The following DPP6 variants were observed in gnomAD, a reference collection of about 807,000 sequenced individuals.
DPP6 encodes A-type potassium channel modulatory protein DPP6.
In DPP6, 69 loss-of-function variants were observed where a neutral mutation model predicts 122.6. The ratio of observed to expected loss-of-function variants is 0.56; its 90% CI spans 0.46 to 0.69. The LOEUF is 0.69. DPP6 is among the 30% of genes least tolerant of loss of function. The probability of loss-of-function intolerance (pLI) is 0.00; values close to 1 mark genes in which losing one functional copy is unlikely to be tolerated. For missense variants in DPP6, 928 were observed against 1,116.9 expected (o/e 0.83, Z 2.41); for synonymous variants, 418 against 433.1 (o/e 0.97, Z 0.43).
chr7:154,776,185 G>GC (rs774491186), intron 10 of DPP6, among the ~76,000 whole-genome samples: 1 of 130,142 alleles, frequency 7.7e-6, no homozygotes, highest in Non-Finnish European at 1.7e-5. Flanking sequence ...GGCCTCAGAA[G>GC]CCCCCATGAT....
At chr7:154,166,512 A>G (rs1336854487) in intron 1 of DPP6, among the ~76,000 whole-genome samples, 1 of 151,940 alleles carries the variant, frequency 6.6e-6, no homozygotes, top group Non-Finnish European at 1.5e-5. Context: ...TACAGAAACA[A>G]TCCTCCCCCG....
intron 3 of DPP6, among the ~76,000 whole-genome samples, chr7:154,528,380 T>TG (rs1827579362): frequency 6.6e-6 from 1 of 152,062 alleles, no homozygotes; most frequent in South Asian, 2.1e-4. Context: ...GCACAAAAGG[T>TG]ATAATTTGAC....
At chr7:154,065,671 A>C (rs541264087) in intron 1 of DPP6, among the ~76,000 whole-genome samples, 1 of 152,142 alleles carries the variant, frequency 6.6e-6, no homozygotes, top group Admixed American at 6.5e-5. Flanking sequence ...AATTAGGACC[A>C]GGCCAATGGT....
chr7:154,166,172 A>G (rs1797236613), intron 1 of DPP6, among the ~76,000 whole-genome samples: 2 of 152,148 alleles, frequency 1.3e-5, no homozygotes, highest in South Asian at 4.2e-4. Context: ...ACTTTCTTTC[A>G]TTCTCTATTT....
intron 6 of DPP6, among the ~76,000 whole-genome samples, chr7:154,647,644 G>A (rs953662205): frequency 3.9e-5 from 6 of 152,174 alleles, no homozygotes; most frequent in Non-Finnish European, 8.8e-5. Flanking sequence ...CACCTTAACC[G>A]CGCATGTTTG....
At chr7:154,889,410 G>A in intron 24 of DPP6, 47 bp from the exon 25 acceptor site, 1 of 1,597,790 alleles carries the variant, frequency 6.3e-7, no homozygotes, top group Non-Finnish European at 8.5e-7. Context: ...GGCACCATGG[G>A]TTTTAACAAA....
the DPP6 span, among the ~76,000 whole-genome samples, chr7:153,848,374 A>C: frequency 6.6e-6 from 1 of 151,184 alleles, no homozygotes; most frequent in East Asian, 2.0e-4. Context: ...CAATTCCCTT[A>C]CACTTCCTTG....
chr7:153,823,748 C>A, the DPP6 span, among the ~76,000 whole-genome samples: 1 of 152,054 alleles, frequency 6.6e-6, no homozygotes, highest in South Asian at 2.1e-4. Flanking sequence ...GTCGTTGAAT[C>A]TGCATGCTGA....
chr7:153,891,834 T>C (rs1374565590), intron 1 of DPP6, among the ~76,000 whole-genome samples: 1 of 152,162 alleles, frequency 6.6e-6, no homozygotes, highest in Non-Finnish European at 1.5e-5. Flanking sequence ...GGTGGGTAAG[T>C]GAGGGCTGTG....
intron 1 of DPP6, among the ~76,000 whole-genome samples, chr7:154,321,128 C>T (rs1474059369): frequency 6.6e-6 from 1 of 151,938 alleles, no homozygotes; most frequent in African/African-American, 2.4e-5. Context: ...CAAAAAAATA[C>T]CAAAATTAGC....
intron 1 of DPP6, among the ~76,000 whole-genome samples, chr7:154,146,495 A>C (rs73729281): frequency 0.092 from 13,831 of 151,122 alleles, 427 homozygotes; most frequent in African/African-American, 0.3. Flanking sequence ...CCGGCAACCA[A>C]CCCTCGCTGA....
At chr7:153,836,409 A>G in the DPP6 span, among the ~76,000 whole-genome samples, 1 of 152,222 alleles carries the variant, frequency 6.6e-6, no homozygotes, top group African/African-American at 2.4e-5. Flanking sequence ...TTTAGACTTT[A>G]GTATCTAATA....
intron 1 of DPP6, among the ~76,000 whole-genome samples, chr7:153,992,946 C>T (rs1315154905): frequency 6.6e-6 from 1 of 151,916 alleles, no homozygotes; most frequent in African/African-American, 2.4e-5. Flanking sequence ...ACAAGATTTT[C>T]CAATTTTCTT....
intron 1 of DPP6, among the ~76,000 whole-genome samples, chr7:154,158,179 G>A (rs533550235): frequency 2.4e-3 from 361 of 149,574 alleles, no homozygotes; most frequent in African/African-American, 8.0e-3. Context: ...ACAATATTAC[G>A]TTCTCTTTTT....
At chr7:154,530,056 G>C (rs552343053) in intron 3 of DPP6, among the ~76,000 whole-genome samples, 22 of 152,032 alleles carry the variant, frequency 1.4e-4, no homozygotes, top group African/African-American at 4.8e-4. Context: ...GACCTGGGAG[G>C]CAGAGGCTGC....
intron 1 of DPP6, among the ~76,000 whole-genome samples, chr7:154,418,483 C>G (rs184005112): frequency 3.4e-4 from 52 of 151,968 alleles, no homozygotes; most frequent in Non-Finnish European, 3.7e-4. Flanking sequence ...TTAGATTGTG[C>G]GAAAGGAAAG....
the DPP6 span, among the ~76,000 whole-genome samples, chr7:153,782,619 C>A: frequency 1.3e-5 from 2 of 152,064 alleles, no homozygotes; most frequent in African/African-American, 4.8e-5. Context: ...TCAGTGCTGG[C>A]TTTTCAAGTA....
the DPP6 span, among the ~76,000 whole-genome samples, chr7:153,802,293 A>G: frequency 6.6e-6 from 1 of 152,188 alleles, no homozygotes; most frequent in African/African-American, 2.4e-5. Flanking sequence ...GTGAAAAGAA[A>G]TAATAGCTCA....
intron 19 of DPP6, among the ~76,000 whole-genome samples, chr7:154,874,721 T>G (rs79572395): frequency 0.2 from 30,322 of 152,000 alleles, 3,584 homozygotes; most frequent in East Asian, 0.54. Flanking sequence ...CCACTCTCAG[T>G]TGGGGCACTG....
Sources: gnomAD v4.1 joint callset for allele counts (sites outside exome capture counted in the v4.1 genomes callset) on GRCh38, gnomAD v4.1.1 for gene constraint, MANE v1.5 for transcripts, NCBI Gene and HGNC (gene_info 2026-07-23, HGNC 2026-07-21) for gene names.